The following PHACTR4 variants were observed in gnomAD, a reference collection of about 807,000 sequenced individuals.
PHACTR4 encodes the protein phosphatase and actin regulator 4.
In PHACTR4, 51 loss-of-function variants were observed where a neutral mutation model predicts 72.7. That is an observed-to-expected ratio of 0.70 (90% CI 0.56 to 0.89). PHACTR4 has a LOEUF of 0.89. PHACTR4 is among the 40% of genes least tolerant of loss of function. The pLI is 0.00. For synonymous variants in PHACTR4, 255 were observed against 302.5 expected, an observed-to-expected ratio of 0.84 and a Z score of 1.63; for missense variants, 731 against 861.8, an observed-to-expected ratio of 0.85 and a Z score of 1.90.
intron 9 of PHACTR4, among the ~76,000 whole-genome samples, chr1:28,483,469 A>T (rs1660409725): frequency 6.6e-6 from 1 of 151,650 alleles, no homozygotes; most frequent in Non-Finnish European, 1.5e-5. Flanking sequence ...AAAGAAAGAC[A>T]TGTTTATTAT....
chr1:28,396,676 G>A (rs1226701366), intron 1 of PHACTR4, among the ~76,000 whole-genome samples: 2 of 110,654 alleles, frequency 1.8e-5, no homozygotes, highest in African/African-American at 6.9e-5. Context: ...TTTTTTTTTT[G>A]AGACGGTGTT....
intron 1 of PHACTR4, among the ~76,000 whole-genome samples, chr1:28,394,919 T>C (rs1212278827): frequency 1.3e-5 from 2 of 150,632 alleles, no homozygotes; most frequent in African/African-American, 4.9e-5. Context: ...TTTTCTTTTT[T>C]TTTTTTTTTC....
intron 4 of PHACTR4, among the ~76,000 whole-genome samples, chr1:28,464,647 G>A (rs998749173): frequency 6.6e-6 from 1 of 152,104 alleles, no homozygotes; most frequent in Non-Finnish European, 1.5e-5. Flanking sequence ...ACTAATTAGA[G>A]CTCTTGACAT....
At chr1:28,376,910 T>TC (rs894298873) in intron 1 of PHACTR4, among the ~76,000 whole-genome samples, 1 of 152,082 alleles carries the variant, frequency 6.6e-6, no homozygotes, top group Non-Finnish European at 1.5e-5. Flanking sequence ...GTGTGGGGAT[T>TC]ACAGGCGTGA....
intron 2 of PHACTR4, among the ~76,000 whole-genome samples, chr1:28,440,391 A>ATGC (rs1656929464): frequency 1.1e-5 from 1 of 89,992 alleles, no homozygotes; most frequent in Admixed American, 1.1e-4. Flanking sequence ...AAATTCATCA[A>ATGC]TTCTTTTTTT....
At chr1:28,385,542 CAAAA>C (rs765203303) in intron 1 of PHACTR4, among the ~76,000 whole-genome samples, 1 of 79,186 alleles carries the variant, frequency 1.3e-5, no homozygotes, top group Non-Finnish European at 2.4e-5. Context: ...GACTCTGTCT[CAAAA>C]AAAAAAAAAA....
At chr1:28,387,220 C>A (rs1461274700) in intron 1 of PHACTR4, among the ~76,000 whole-genome samples, 1 of 144,924 alleles carries the variant, frequency 6.9e-6, no homozygotes, top group Non-Finnish European at 1.5e-5. Context: ...GAGATTGTGC[C>A]ACTGCACTCC....
intron 2 of PHACTR4, among the ~76,000 whole-genome samples, chr1:28,413,382 G>A (rs183305846): frequency 7.9e-5 from 12 of 152,290 alleles, no homozygotes; most frequent in South Asian, 6.2e-4. Context: ...GAGGTGGTAC[G>A]CAACTGTCAT....
chr1:28,443,622 T>A (rs1657211898), intron 2 of PHACTR4, among the ~76,000 whole-genome samples: 1 of 151,816 alleles, frequency 6.6e-6, no homozygotes. Flanking sequence ...TAGTTTTTTT[T>A]ATTTTTTGAC....
chr1:28,388,722 C>T (rs556713360), intron 1 of PHACTR4, among the ~76,000 whole-genome samples: 1 of 152,198 alleles, frequency 6.6e-6, no homozygotes, highest in South Asian at 2.1e-4. Context: ...TGGTGGTGTG[C>T]ACCTGTAGTC....
chr1:28,407,555 T>TA (rs1453809431), intron 2 of PHACTR4, 92 bp downstream of exon 2: 1 of 1,106,788 alleles, frequency 9.0e-7, no homozygotes, highest in African/African-American at 1.6e-5. Flanking sequence ...TTTTTTTTCA[T>TA]ATTCAGTATG....
chr1:28,405,393 C>A (rs1163418654), intron 1 of PHACTR4, among the ~76,000 whole-genome samples: 1 of 151,900 alleles, frequency 6.6e-6, no homozygotes, highest in East Asian at 2.0e-4. Context: ...GTGGCATGTT[C>A]TCAGCTCACT....
chr1:28,419,762 T>C (rs1392171884), intron 2 of PHACTR4, among the ~76,000 whole-genome samples: 2 of 152,248 alleles, frequency 1.3e-5, no homozygotes, highest in Non-Finnish European at 2.9e-5. Context: ...TATTCTTAAA[T>C]ACTTAAATAA....
At chr1:28,447,135 C>T (rs1422804760) in intron 2 of PHACTR4, among the ~76,000 whole-genome samples, 1 of 151,920 alleles carries the variant, frequency 6.6e-6, no homozygotes, top group Non-Finnish European at 1.5e-5. Context: ...CCTTGGCCTC[C>T]TGAGTAGCTG....
chr1:28,474,157 T>A lies in PHACTR4; in HGVS notation c.1421+6T>A. ...ACTATTGAAATGCTAAAAGTGTAAG[T>A]GCCTTTAAAGCTTGCCTCTTATTTC... On this transcript the variant is annotated splice_donor_region_variant and intron_variant, in intron 7 of 13. Coordinates refer to ENST00000373839, the MANE Select transcript of PHACTR4 (RefSeq NM_001048183.3). 1 of 1,598,566 alleles carries A rather than the reference T, an allele frequency of 6.3e-7. No individual in the cohort carries two copies. The highest frequency in any genetic ancestry group is 8.5e-7 in the Non-Finnish European group (1 of 1,171,202).
At chr1:28,472,200 T>C (rs1186907694) in intron 6 of PHACTR4, among the ~76,000 whole-genome samples, 2 of 141,494 alleles carry the variant, frequency 1.4e-5, no homozygotes, top group African/African-American at 5.7e-5. Flanking sequence ...GCGACAAGAC[T>C]CCGTCTCAAA....
intron 9 of PHACTR4, among the ~76,000 whole-genome samples, chr1:28,485,636 C>T (rs937782350): frequency 6.7e-6 from 1 of 150,312 alleles, no homozygotes; most frequent in Non-Finnish European, 1.5e-5. Flanking sequence ...TGTGGTGGCT[C>T]ATGCCTATAA....
intron 9 of PHACTR4, among the ~76,000 whole-genome samples, chr1:28,487,498 G>C (rs1660733050): frequency 7.1e-6 from 1 of 141,722 alleles, no homozygotes. Context: ...TGGGTACAGA[G>C]TGAGACCCTG....
intron 1 of PHACTR4, among the ~76,000 whole-genome samples, chr1:28,372,160 C>T (rs1291046232): frequency 2.0e-5 from 3 of 151,914 alleles, no homozygotes; most frequent in African/African-American, 7.3e-5. Context: ...GCTGGGATTA[C>T]AGGTGTGAGC....
Sources: gnomAD v4.1 joint callset for allele counts (sites outside exome capture counted in the v4.1 genomes callset) on GRCh38, gnomAD v4.1.1 for gene constraint, MANE v1.5 for transcripts, NCBI Gene and HGNC (gene_info 2026-07-23, HGNC 2026-07-21) for gene names.